ERC2: variants seen among roughly 807,000 people sequenced by gnomAD.
The protein encoded by ERC2 is ELKS/RAB6-interacting/CAST family member 2, also known as ERC protein 2.
ERC2 carries 42 observed loss-of-function variants against 114.8 expected under a neutral mutation model. That is an observed-to-expected ratio of 0.37 (90% CI 0.29 to 0.47). The LOEUF (loss-of-function observed/expected upper bound fraction) is 0.47, where lower values mean the gene tolerates loss of function less well. ERC2 is among the 20% of genes least tolerant of loss of function. The pLI, the probability that ERC2 is intolerant of heterozygous loss-of-function variation, is 0.99. For synonymous variants in ERC2, 454 were observed against 425.5 expected (o/e 1.07, Z -0.82); for missense variants, 939 against 1,150.7 (o/e 0.82, Z 2.66).
intron 3 of ERC2, among the ~76,000 whole-genome samples, chr3:56,278,688 C>T (rs56375261): frequency 0.019 from 2,822 of 152,298 alleles, 93 homozygotes; most frequent in African/African-American, 0.062. Flanking sequence ...CTGACACAGG[C>T]ATCTGCTCAG....
chr3:55,784,752 C>A (rs1207327893), intron 14 of ERC2, among the ~76,000 whole-genome samples: 1 of 152,168 alleles, frequency 6.6e-6, no homozygotes, highest in South Asian at 2.1e-4. Flanking sequence ...GCTTCAATTA[C>A]CATCTACATG....
intron 2 of ERC2, among the ~76,000 whole-genome samples, chr3:56,337,691 T>C (rs2057914602): frequency 6.6e-6 from 1 of 152,122 alleles, no homozygotes; most frequent in Admixed American, 6.5e-5. Flanking sequence ...TTTTGTGGCA[T>C]ATTGACTTAA....
chr3:56,358,911 G>A (rs1232257107), intron 2 of ERC2, among the ~76,000 whole-genome samples: 2 of 152,218 alleles, frequency 1.3e-5, no homozygotes, highest in Non-Finnish European at 2.9e-5. Context: ...TGTCATCACT[G>A]AGGTGATCCT....
intron 7 of ERC2, among the ~76,000 whole-genome samples, chr3:56,031,832 C>A (rs2074395773): frequency 6.6e-6 from 1 of 152,164 alleles, no homozygotes; most frequent in Admixed American, 6.5e-5. Context: ...AAGAACACAA[C>A]TAAACTTGAA....
chr3:56,171,334 C>T (rs1370471854), intron 4 of ERC2, among the ~76,000 whole-genome samples: 2 of 152,318 alleles, frequency 1.3e-5, no homozygotes, highest in East Asian at 3.9e-4. Context: ...GCCTCCCTAA[C>T]TCAATTTAGG....
At chr3:56,269,462 C>A (rs2053520779) in intron 3 of ERC2, among the ~76,000 whole-genome samples, 1 of 152,116 alleles carries the variant, frequency 6.6e-6, no homozygotes, top group Non-Finnish European at 1.5e-5. Context: ...ACAAGCTTGG[C>A]AATCTAACTC....
At chr3:55,785,943 A>G (rs935364137) in intron 14 of ERC2, among the ~76,000 whole-genome samples, 1 of 152,218 alleles carries the variant, frequency 6.6e-6, no homozygotes, top group Non-Finnish European at 1.5e-5. Context: ...TGTGTTTAAC[A>G]TATTGAACAA....
At chr3:56,452,858 C>G (rs1186580706) in intron 1 of ERC2, among the ~76,000 whole-genome samples, 1 of 152,194 alleles carries the variant, frequency 6.6e-6, no homozygotes, top group African/African-American at 2.4e-5. Context: ...GGCAGAAGTA[C>G]TTAGCACAGT....
intron 2 of ERC2, among the ~76,000 whole-genome samples, chr3:56,370,600 T>G (rs1276978436): frequency 3.7e-4 from 56 of 149,624 alleles, no homozygotes; most frequent in Admixed American, 2.1e-3. Flanking sequence ...TTTTTGTTTT[T>G]TTTTTTTTTT....
At chr3:56,137,305 G>A (rs554212538) in intron 6 of ERC2, among the ~76,000 whole-genome samples, 17 of 152,190 alleles carry the variant, frequency 1.1e-4, no homozygotes, top group Admixed American at 3.9e-4. Flanking sequence ...TAACTTTATC[G>A]GTAATCCTGG....
At chr3:56,072,275 C>T (rs564684931) in intron 7 of ERC2, 2 of 152,382 alleles carry the variant, frequency 1.3e-5, no homozygotes, top group African/African-American at 2.4e-5. Context: ...AGAGGAGGAC[C>T]GATCTTCAGT....
chr3:55,916,601 C>T (rs575279108), intron 13 of ERC2, among the ~76,000 whole-genome samples: 21 of 152,172 alleles, frequency 1.4e-4, no homozygotes, highest in Non-Finnish European at 3.1e-4. Flanking sequence ...ATGCACTGAG[C>T]GTGTTCCCAC....
chr3:56,366,589 T>C (rs1352687465), intron 2 of ERC2, among the ~76,000 whole-genome samples: 2 of 152,196 alleles, frequency 1.3e-5, no homozygotes, highest in African/African-American at 4.8e-5. Flanking sequence ...TATTTTCCTC[T>C]TGGTAATACC....
At chr3:56,390,175 A>T (rs889854858) in intron 2 of ERC2, among the ~76,000 whole-genome samples, 2 of 152,134 alleles carry the variant, frequency 1.3e-5, no homozygotes, top group African/African-American at 4.8e-5. Context: ...CCATTCTTTA[A>T]TTAGCTTTTC....
intron 17 of ERC2, among the ~76,000 whole-genome samples, chr3:55,650,043 C>A (rs1264534333): frequency 6.6e-6 from 1 of 152,180 alleles, no homozygotes; most frequent in African/African-American, 2.4e-5. Context: ...TGCCTCCAAC[C>A]CTCCAAGCCT....
At chr3:55,994,513 C>T (rs143074695) in intron 10 of ERC2, among the ~76,000 whole-genome samples, 14 of 151,896 alleles carry the variant, frequency 9.2e-5, no homozygotes, top group African/African-American at 2.4e-4. Context: ...ATGACAAACA[C>T]GGGGGGAGAT....
intron 1 of ERC2, among the ~76,000 whole-genome samples, chr3:56,446,926 C>A (rs192221305): frequency 6.6e-6 from 1 of 152,142 alleles, no homozygotes; most frequent in African/African-American, 2.4e-5. Flanking sequence ...CACACCCGGC[C>A]GAGAGTGCAT....
In ERC2 at chr3:55,985,972, C is replaced by G; in HGVS notation, c.2267+5G>C. On this transcript the variant is annotated splice_donor_5th_base_variant and intron_variant, in intron 12 of 17. Coordinates refer to ENST00000288221, the MANE Select transcript of ERC2 (RefSeq NM_015576.3). ...GCAGTTAGAAGAAAAACTGAAATTA[C>G]TGACCTGAGAGTCAAGCTGATTGGA... 1 of 1,540,064 alleles carries G rather than the reference C, an allele frequency of 6.5e-7. No individual in the cohort carries two copies.
At chr3:55,615,942 C>T (rs1266425521) in intron 17 of ERC2, among the ~76,000 whole-genome samples, 1 of 152,158 alleles carries the variant, frequency 6.6e-6, no homozygotes, top group African/African-American at 2.4e-5. Flanking sequence ...AATTTGTCAG[C>T]CATTTGCTTT....
Sources: gnomAD v4.1 joint callset for allele counts (sites outside exome capture counted in the v4.1 genomes callset) on GRCh38, gnomAD v4.1.1 for gene constraint, MANE v1.5 for transcripts, NCBI Gene and HGNC (gene_info 2026-07-23, HGNC 2026-07-21) for gene names.